Variants in ST6GALNAC2 observed in about 807,000 individuals in gnomAD.
ST6GALNAC2 encodes alpha-N-acetylgalactosaminide alpha-2,6-sialyltransferase 2.
In ST6GALNAC2, 42 loss-of-function variants were observed where a neutral mutation model predicts 38.7. The ratio of observed to expected loss-of-function variants is 1.09; its 90% CI spans 0.85 to 1.40. The LOEUF is 1.40. Ranked by LOEUF, ST6GALNAC2 falls within the 40% of genes most tolerant of loss-of-function variation. The pLI is 0.00. For missense variants in ST6GALNAC2, 506 were observed against 481.7 expected, an observed-to-expected ratio of 1.05 and a Z score of -0.47; for synonymous variants, 233 against 209.0, an observed-to-expected ratio of 1.11 and a Z score of -0.99.
intron 2 of ST6GALNAC2, among the ~76,000 whole-genome samples, chr17:76,577,778 G>GC (rs1381226640): frequency 6.6e-6 from 1 of 151,874 alleles, no homozygotes; most frequent in Non-Finnish European, 1.5e-5. Flanking sequence ...TCACTGTGTT[G>GC]CCCAGGCTGG....
intron 2 of ST6GALNAC2, among the ~76,000 whole-genome samples, chr17:76,578,237 C>A (rs1317807652): frequency 6.6e-6 from 1 of 152,084 alleles, no homozygotes; most frequent in Non-Finnish European, 1.5e-5. Context: ...CCTCATTTTG[C>A]TCATTTGTAA....
chr17:76,574,646 T>G, intron 2 of ST6GALNAC2, 107 bp from the exon 3 acceptor site: 4 of 917,090 alleles, frequency 4.4e-6, no homozygotes, highest in East Asian at 3.1e-5. Flanking sequence ...AGGCCTGCCC[T>G]GTCCCCTCCA....
intron 2 of ST6GALNAC2, among the ~76,000 whole-genome samples, chr17:76,576,970 C>CAA (rs540729757): frequency 0.12 from 12,241 of 99,664 alleles, 676 homozygotes; most frequent in Middle Eastern, 0.2. Flanking sequence ...AACTCCATCT[C>CAA]AAAAAAAAAA....
At chr17:76,568,837 T>C (rs2075317234) in intron 6 of ST6GALNAC2, 41 bp from the exon 7 acceptor site, 2 of 1,602,522 alleles carry the variant, frequency 1.2e-6, no homozygotes, top group African/African-American at 2.7e-5. Context: ...CCCAGAGCCG[T>C]CGTATTGCAA....
chr17:76,567,957 G>T, intron 7 of ST6GALNAC2: 1 of 196,180 alleles, frequency 5.1e-6, no homozygotes. Context: ...AGTGAGGCCA[G>T]GGTGTGACCA....
At chr17:76,566,723 C>T (rs1014078402) in intron 8 of ST6GALNAC2, among the ~76,000 whole-genome samples, 2 of 148,082 alleles carry the variant, frequency 1.4e-5, no homozygotes, top group Non-Finnish European at 3.0e-5. Context: ...AAGAGCTGGG[C>T]GTGGCAGTAC....
At chr17:76,581,962 G>T (rs571375807) in intron 1 of ST6GALNAC2, among the ~76,000 whole-genome samples, 16 of 152,060 alleles carry the variant, frequency 1.1e-4, no homozygotes, top group Non-Finnish European at 2.1e-4. Context: ...CCACCTCCTG[G>T]GTTCAAGCGA....
chr17:76,578,014 T>C (rs755558934), intron 2 of ST6GALNAC2, among the ~76,000 whole-genome samples: 5 of 152,146 alleles, frequency 3.3e-5, no homozygotes, highest in African/African-American at 9.7e-5. Context: ...TTTTAGTCTC[T>C]TGGGCATGGA....
intron 1 of ST6GALNAC2, among the ~76,000 whole-genome samples, chr17:76,579,535 A>C (rs1192356952): frequency 1.3e-5 from 2 of 152,194 alleles, no homozygotes; most frequent in Admixed American, 1.3e-4. Flanking sequence ...AATCCTGGTT[A>C]AGGTTATGGC....
At chr17:76,568,391 G>A (rs1383806098) in intron 7 of ST6GALNAC2, 5 of 384,580 alleles carry the variant, frequency 1.3e-5, no homozygotes, top group Non-Finnish European at 2.4e-5. Context: ...TGAAGGTTCT[G>A]ATGCCCTGCT....
intron 7 of ST6GALNAC2, chr17:76,567,886 T>C (rs532221165): frequency 1.1e-4 from 31 of 290,432 alleles, no homozygotes; most frequent in Middle Eastern, 1.2e-3. Context: ...CTTGATTAAG[T>C]AGGAATCACG....
At chr17:76,581,508 C>T (rs969288064) in intron 1 of ST6GALNAC2, among the ~76,000 whole-genome samples, 9 of 152,058 alleles carry the variant, frequency 5.9e-5, no homozygotes, top group African/African-American at 1.9e-4. Flanking sequence ...GGAGGAGCTG[C>T]GGGACAGGGC....
intron 6 of ST6GALNAC2, 167 bp from the exon 7 acceptor site, chr17:76,568,963 T>C (rs541861805): frequency 8.1e-6 from 5 of 616,860 alleles, no homozygotes; most frequent in African/African-American, 6.0e-5. Context: ...AGGCAGTACG[T>C]TGGGGACCAC....
intron 6 of ST6GALNAC2, chr17:76,570,329 C>T: frequency 1.9e-6 from 1 of 521,272 alleles, no homozygotes. Context: ...CCACTGCCCC[C>T]AGAGGGCTAC....
chr17:76,580,327 A>G (rs1301015524), intron 1 of ST6GALNAC2, among the ~76,000 whole-genome samples: 1 of 152,100 alleles, frequency 6.6e-6, no homozygotes, highest in African/African-American at 2.4e-5. Flanking sequence ...CTGAGGCAGG[A>G]GAATCGCTTG....
Position 76,573,302 on chromosome 17 carries a change from G to A in ST6GALNAC2, c.423C>T (p.Pro141=), listed in dbSNP as rs1413971148. 2 of 1,596,152 alleles carry A rather than the reference G, an allele frequency of 1.3e-6. No individual in the cohort carries two copies. Among genetic ancestry groups the A allele is most frequent in the Non-Finnish European group, 1.7e-6 (2 of 1,171,158 alleles). The change falls in exon 4 of 9, where the codon CCC becomes CCT. Residue 141 remains proline (P), a synonymous_variant. Coordinates refer to ENST00000225276, the MANE Select transcript of ST6GALNAC2 (RefSeq NM_006456.3). The surrounding 1 kb of genome is among the most constrained non-coding windows in gnomAD (Gnocchi z 5.1). ...GSESAKLFAP[P]RDTPPKCIRC... ...GGATACACTTTGGAGGGGTGTCCCT[G>A]GGCGGGGCAAACAGCTTGGCACTCT...
chr17:76,585,819 C>T lies in ST6GALNAC2; in HGVS notation c.-11G>A, dbSNP rs532532422. On this transcript the variant is annotated 5_prime_UTR_variant, in exon 1 of 9. Transcript: ENST00000225276. Reference sequence around the variant, plus strand: ...GCGCGGGAGCCCCATACAGCCCCGGCCCGCGAGCGCCCCGTCCGCTGACGT... The same window carrying T: ...GCGCGGGAGCCCCATACAGCCCCGGTCCGCGAGCGCCCCGTCCGCTGACGT... 5.9e-6 allele frequency: 9 copies of T among 1,531,210 alleles called. No homozygotes were observed. The highest frequency in any genetic ancestry group is 2.0e-5 in the Admixed American group (1 of 50,192). The allele number at this position is 1,531,210 out of a possible 1,614,324, so 94.9% of individuals were successfully genotyped here.
At position 76,585,687 on chromosome 17, in the gene ST6GALNAC2, G is replaced by A; in HGVS notation, c.122C>T (p.Ala41Val). The A allele has an allele frequency of 1.3e-6, 2 of 1,525,506 alleles. No individual in the cohort carries two copies. Among genetic ancestry groups the A allele is most frequent in the Non-Finnish European group, 1.8e-6 (2 of 1,140,988 alleles). The allele number at this position is 1,525,506 out of a possible 1,614,324, so 94.5% of individuals were successfully genotyped here. A position where few individuals can be genotyped will look rare whatever the true frequency, so the allele number is the denominator to read the frequency against. The change falls in exon 1 of 9, where the codon GCC (alanine) becomes GTC (valine). Residue 41 changes from alanine (A) to valine (V), a missense_variant. Physicochemically the swap from Ala to Val is moderately conservative, Grantham distance 64. Transcript: ENST00000225276. ...CTCTGCGCTCGGCAGCCCCTACCTG[G>A]CTCCGGCCGCTGGCCCCGGGTACCG... is the stretch of plus-strand genomic sequence containing the variant. ...VQRYPGPAAG[A>V]RDTTSFEAFF...
chr17:76,572,039 G>A (rs2075358174), intron 5 of ST6GALNAC2, among the ~76,000 whole-genome samples: 1 of 152,208 alleles, frequency 6.6e-6, no homozygotes, highest in Non-Finnish European at 1.5e-5. Context: ...CCCCAGCGCT[G>A]GGGTCAGAGG....
Sources: gnomAD v4.1 joint callset for allele counts (sites outside exome capture counted in the v4.1 genomes callset) on GRCh38, gnomAD v4.1.1 for gene constraint, Gnocchi (gnomAD v3.1) non-coding constraint, MANE v1.5 for transcripts, NCBI Gene and HGNC (gene_info 2026-07-23, HGNC 2026-07-21) for gene names.